Variants in NPC1 observed in about 807,000 individuals in gnomAD.
NPC1 encodes the protein Niemann-Pick C1 protein.
NPC1 carries 85 observed loss-of-function variants against 140.4 expected under a neutral mutation model. That is an observed-to-expected ratio of 0.61 (90% CI 0.51 to 0.72). The LOEUF (loss-of-function observed/expected upper bound fraction) is 0.72. NPC1 is among the 30% of genes least tolerant of loss of function. The probability of loss-of-function intolerance (pLI) is 0.00; values close to 1 mark genes in which losing one functional copy is unlikely to be tolerated. For missense variants in NPC1, 1,504 were observed against 1,623.8 expected, an observed-to-expected ratio of 0.93 and a Z score of 1.27; for synonymous variants, 656 against 624.8, an observed-to-expected ratio of 1.05 and a Z score of -0.74.
At chr18:23,585,666 C>T (rs1413124225) in intron 1 of NPC1, among the ~76,000 whole-genome samples, 1 of 152,162 alleles carries the variant, frequency 6.6e-6, no homozygotes, top group African/African-American at 2.4e-5. Context: ...GTCAGCAGGA[C>T]ACCGAGTTCC....
In NPC1 at chr18:23,568,946, T is replaced by C; in HGVS notation, c.340A>G (p.Ser114Gly). Reference protein sequence around the residue: ...LLNLFCELTCSPRQSQFLNVT... With the variant: ...LLNLFCELTCGPRQSQFLNVT... ...TTCAAAAACTGACTCTGTCGAGGGCTACATGTCAGCTCACAAAACAGGTTC... is the reference window on the plus strand; with the variant it reads ...TTCAAAAACTGACTCTGTCGAGGGCCACATGTCAGCTCACAAAACAGGTTC... Residue 114 changes from serine (S) to glycine (G), a missense_variant, in exon 4 of 25, where the codon AGC becomes GGC. By Grantham distance (56) the Ser-to-Gly change is moderately conservative. Coordinates refer to ENST00000269228, the MANE Select transcript of NPC1 (RefSeq NM_000271.5). 1.2e-6 allele frequency: 2 copies of C among 1,614,004 alleles called. No individual in the cohort carries two copies. Among genetic ancestry groups the C allele is most frequent in the Non-Finnish European group, 1.7e-6 (2 of 1,179,898 alleles).
chr18:23,520,074 CT>C, downstream of NPC1: 1 of 666,194 alleles, frequency 1.5e-6, no homozygotes, highest in Admixed American at 2.5e-5. Context: ...CAAGTAAGAG[CT>C]AGCCTGTAGG....
downstream of NPC1, chr18:23,524,424 T>C (rs747367515): frequency 3.1e-6 from 5 of 1,613,842 alleles, no homozygotes; most frequent in Non-Finnish European, 4.2e-6. Context: ...TCCTATAACA[T>C]GTGGATTCTT....
chr18:23,540,417 T>TAAAAA, intron 17 of NPC1, 31 bp downstream of exon 17: 1 of 1,159,958 alleles, frequency 8.6e-7, no homozygotes, highest in Non-Finnish European at 1.2e-6. Flanking sequence ...CTAAAGAAGT[T>TAAAAA]AAAAAAAAAA....
In NPC1 at chr18:23,531,808, A is replaced by T; in HGVS notation, c.*394T>A. On this transcript the variant is annotated 3_prime_UTR_variant, in exon 25 of 25. Transcript: ENST00000269228. ...TGTTATAAAGTGTATCTACAACCTC[A>T]ACTGTCACTAAAAATATGGTATAGA... 6.6e-7 allele frequency: 1 copy of T among 1,512,022 alleles called. No homozygotes were observed. Among genetic ancestry groups the T allele is most frequent in the Non-Finnish European group, 8.8e-7 (1 of 1,139,882 alleles). The allele number at this position is 1,512,022 out of a possible 1,614,324, so 93.7% of individuals were successfully genotyped here.
chr18:23,585,620 C>T (rs1470718015), intron 1 of NPC1, among the ~76,000 whole-genome samples: 1 of 152,140 alleles, frequency 6.6e-6, no homozygotes, highest in Non-Finnish European at 1.5e-5. Context: ...TGCTCTTTCC[C>T]AAAGCTATTA....
chr18:23,532,961 C>T lies in NPC1; in HGVS notation c.3754+394G>A, dbSNP rs919149066. The stretch of plus-strand genomic sequence containing the variant: ...AGGCAGCAAGCACTTTGCTAAGAAA[C>T]GGGAAATCCATGAGGGACATAAAAA... On this transcript the variant is annotated intron_variant, in intron 24 of 24. Coordinates refer to ENST00000269228, the MANE Select transcript of NPC1 (RefSeq NM_000271.5). 23 of 984,946 alleles carry T rather than the reference C, an allele frequency of 2.3e-5. No homozygotes were observed. The Admixed American group carries it at 3.1e-4, about 13-fold the overall frequency. 61.0% of individuals were successfully genotyped at this position (984,946 alleles called of 1,614,324 possible). A position where few individuals can be genotyped will look rare whatever the true frequency, so the allele number is the denominator to read the frequency against.
At chr18:23,559,689 C>G (rs2059009489) in intron 6 of NPC1, among the ~76,000 whole-genome samples, 1 of 151,750 alleles carries the variant, frequency 6.6e-6, no homozygotes, top group Non-Finnish European at 1.5e-5. Context: ...GTGGCTTACT[C>G]CTGTAATCCC....
intron 8 of NPC1, among the ~76,000 whole-genome samples, chr18:23,555,263 TC>T (rs1029753271): frequency 6.6e-6 from 1 of 152,090 alleles, no homozygotes; most frequent in South Asian, 2.1e-4. Context: ...CACAACCATC[TC>T]CCCTCCACCG....
chr18:23,530,629 A>G, downstream of NPC1: 1 of 1,609,490 alleles, frequency 6.2e-7, no homozygotes, highest in Non-Finnish European at 8.5e-7. Flanking sequence ...ATGCAATGAA[A>G]AGACTTGGGG....
intron 5 of NPC1, 101 bp downstream of exon 5, chr18:23,561,259 G>A (rs2145484148): frequency 1.7e-6 from 2 of 1,210,206 alleles, no homozygotes; most frequent in South Asian, 1.2e-5. Context: ...CAATTCTCTT[G>A]CCTCAGTCTC....
chr18:23,580,003 G>A (rs2059339104), intron 1 of NPC1, among the ~76,000 whole-genome samples: 2 of 152,242 alleles, frequency 1.3e-5, no homozygotes, highest in African/African-American at 4.8e-5. Context: ...AACTCAGTGA[G>A]AATTCTATTC....
At chr18:23,530,908 G>C (rs989223371), downstream of NPC1, among the ~76,000 whole-genome samples, 12 of 152,152 alleles carry the variant, frequency 7.9e-5, no homozygotes, top group Non-Finnish European at 1.5e-4. Context: ...CTTAAAGCCA[G>C]GAATAAGACG....
In NPC1 at chr18:23,556,555, C is replaced by G. The variant is rs969461365; in HGVS notation, c.1014G>C (p.Leu338=). 3.1e-6 allele frequency: 5 copies of G among 1,614,018 alleles called. No homozygotes were observed. In the African/African-American group the frequency reaches 6.7e-5, roughly 22 times the overall value. Residue 338 remains leucine, a synonymous_variant, in exon 8 of 25, where the codon CTG becomes CTC. Coordinates refer to ENST00000269228, the MANE Select transcript of NPC1 (RefSeq NM_000271.5). ...CGCAGAAAGACCCCCAGCGTGTGAA[C>G]AGCCGCCTCAAGCAGCCCTCAAATG... ...SAAFEGCLRR[L]FTRWGSFCVR...
intron 3 of NPC1, among the ~76,000 whole-genome samples, chr18:23,570,823 A>G (rs2059191288): frequency 6.6e-6 from 1 of 152,200 alleles, no homozygotes; most frequent in Non-Finnish European, 1.5e-5. Flanking sequence ...CAGATAAAAA[A>G]CTAAGTTTGA....
chr18:23,561,194 T>C (rs745588691), intron 5 of NPC1, among the ~76,000 whole-genome samples, 166 bp downstream of exon 5: 1 of 152,192 alleles, frequency 6.6e-6, no homozygotes, highest in East Asian at 1.9e-4. Context: ...AATTCTTTCA[T>C]AGAGATGGGG....
At chr18:23,555,616 G>A (rs1037288230) in intron 8 of NPC1, among the ~76,000 whole-genome samples, 11 of 152,204 alleles carry the variant, frequency 7.2e-5, no homozygotes, top group Non-Finnish European at 1.5e-4. Flanking sequence ...TAAAAAAGAA[G>A]CCGGTACAGT....
At chr18:23,547,957 A>G (rs950177030) in intron 11 of NPC1, 49 bp downstream of exon 11, 7 of 1,076,700 alleles carry the variant, frequency 6.5e-6, no homozygotes, top group Admixed American at 1.7e-5. Context: ...GCAAGTGTCT[A>G]GCTTCCCACA....
chr18:23,510,718 A>G (rs2057832104), intron 3 of NPC1, among the ~76,000 whole-genome samples: 1 of 152,268 alleles, frequency 6.6e-6, no homozygotes, highest in African/African-American at 2.4e-5. Flanking sequence ...ACCAACAAAC[A>G]TAAAAGAGCT....
Sources: allele counts gnomAD v4.1 joint callset (sites outside exome capture counted in the v4.1 genomes callset), GRCh38; gene constraint gnomAD v4.1.1; transcripts MANE v1.5; gene names NCBI Gene and HGNC (gene_info 2026-07-23, HGNC 2026-07-21).